TRPC5: variants seen among roughly 807,000 people sequenced by gnomAD.
TRPC5 encodes short transient receptor potential channel 5.
In TRPC5, 9 loss-of-function variants were observed where a neutral mutation model predicts 56.5. The observed-to-expected ratio is 0.16, with a 90% confidence interval of 0.10 to 0.28. The LOEUF (loss-of-function observed/expected upper bound fraction) is 0.28, where lower values mean the gene tolerates loss of function less well. Among genes scored for constraint, TRPC5 ranks in the 10% least tolerant of loss-of-function variants. TRPC5 has a pLI of 1.00. For missense variants in TRPC5, 469 were observed against 748.9 expected, an observed-to-expected ratio of 0.63 and a Z score of 4.36; for synonymous variants, 282 against 278.5, an observed-to-expected ratio of 1.01 and a Z score of -0.13.
chrX:111,968,653 T>G (rs1205080167), intron 1 of TRPC5, among the ~76,000 whole-genome samples: 1 of 108,571 alleles, frequency 9.2e-6, no homozygotes, highest in Non-Finnish European at 1.9e-5. Flanking sequence ...CCATAAAAAA[T>G]GATGAGTTCA....
At chrX:111,803,262 T>C (rs1270920998) in intron 7 of TRPC5, among the ~76,000 whole-genome samples, 2 of 112,581 alleles carry the variant, frequency 1.8e-5, no homozygotes, top group Non-Finnish European at 3.8e-5. Context: ...ATCCAGTCTA[T>C]TATTGATGGA....
At chrX:112,071,226 G>A (rs1930711128) in intron 1 of TRPC5, among the ~76,000 whole-genome samples, 1 of 110,418 alleles carries the variant, frequency 9.1e-6, no homozygotes, top group African/African-American at 3.3e-5. Flanking sequence ...AGGATCACCT[G>A]AACCTGCGGT....
intron 6 of TRPC5, among the ~76,000 whole-genome samples, chrX:111,845,009 G>A (rs1328272233): frequency 9.1e-6 from 1 of 109,810 alleles, no homozygotes; most frequent in East Asian, 2.9e-4. Context: ...AGGCTGAGAC[G>A]GGTGGATCAC....
intron 7 of TRPC5, among the ~76,000 whole-genome samples, chrX:111,831,178 G>A (rs1378959866): frequency 8.9e-6 from 1 of 112,497 alleles, no homozygotes; most frequent in Middle Eastern, 4.2e-3. Flanking sequence ...GGATTGTCGG[G>A]AGGTCTGGGT....
chrX:111,855,460 T>A (rs929140095), intron 3 of TRPC5, among the ~76,000 whole-genome samples: 31 of 111,940 alleles, frequency 2.8e-4, no homozygotes, highest in African/African-American at 9.8e-4. Flanking sequence ...TCAATAACCA[T>A]GTTAGCAGAA....
rs565820201 is a variant in TRPC5, at chrX:111,802,456, G to C, written c.1897-20318C>G. Among the ~76,000 whole-genome samples the C allele has an allele frequency of 9.2e-4, 102 of 111,236 alleles. 1 individual carries two copies. The South Asian group carries it at 0.035, about 38-fold the overall frequency. ...ATAATTCTAGATAAGGAATCCAAAG[G>C]CTTCACAAAGCAGTAAAAAAAATTC... On this transcript the variant is annotated intron_variant, in intron 7 of 10. Transcript: ENST00000262839.
At chrX:112,000,384 G>A (rs1180597988) in intron 1 of TRPC5, among the ~76,000 whole-genome samples, 1 of 112,090 alleles carries the variant, frequency 8.9e-6, no homozygotes, top group Admixed American at 9.4e-5. Context: ...AATATACAAA[G>A]AAGTACAAAT....
At chrX:111,968,550 C>CA (rs1242378337) in intron 1 of TRPC5, among the ~76,000 whole-genome samples, 12 of 110,044 alleles carry the variant, frequency 1.1e-4, no homozygotes, top group Non-Finnish European at 2.3e-4. Flanking sequence ...GCACTATTCA[C>CA]AATAGCAAAG....
intron 1 of TRPC5, among the ~76,000 whole-genome samples, chrX:111,988,195 T>C (rs917308257): frequency 5.4e-5 from 6 of 111,791 alleles, no homozygotes; most frequent in Non-Finnish European, 9.4e-5. Flanking sequence ...TGCTTCTCTT[T>C]GCTCTGGATC....
chrX:112,036,417 C>T (rs1929743571), intron 1 of TRPC5, among the ~76,000 whole-genome samples: 1 of 111,658 alleles, frequency 9.0e-6, no homozygotes, highest in Admixed American at 9.5e-5. Context: ...TAGATTAGAA[C>T]AGACAAACAC....
At chrX:111,872,366 G>A (rs1923791196) in intron 3 of TRPC5, among the ~76,000 whole-genome samples, 1 of 111,876 alleles carries the variant, frequency 8.9e-6, no homozygotes, top group African/African-American at 3.2e-5. Context: ...GGGATGGTGA[G>A]GTAGGGGAGG....
chrX:111,833,229 C>T (rs1922463654), intron 7 of TRPC5, among the ~76,000 whole-genome samples: 3 of 111,321 alleles, frequency 2.7e-5, no homozygotes, highest in Admixed American at 1.9e-4. Context: ...TAGAAAGGAC[C>T]TTGTGAGCCT....
intron 1 of TRPC5, among the ~76,000 whole-genome samples, chrX:112,036,669 G>A (rs767202235): frequency 1.8e-5 from 2 of 111,850 alleles, no homozygotes; most frequent in African/African-American, 3.3e-5. Context: ...GGTTGTGACA[G>A]TTTCTGCTTG....
chrX:111,777,310 T>C (rs919350916), intron 10 of TRPC5, among the ~76,000 whole-genome samples: 2 of 111,281 alleles, frequency 1.8e-5, no homozygotes, highest in Non-Finnish European at 3.8e-5. Context: ...TAACAAGTTA[T>C]TAGATTAGGA....
At chrX:111,929,294 C>T (rs1240784791) in intron 2 of TRPC5, among the ~76,000 whole-genome samples, 3 of 112,275 alleles carry the variant, frequency 2.7e-5, no homozygotes, top group African/African-American at 9.7e-5. Context: ...CCCAGACATA[C>T]ATTTGAGAAT....
chrX:111,970,446 T>G (rs73266327), intron 1 of TRPC5, among the ~76,000 whole-genome samples: 2,043 of 111,472 alleles, frequency 0.018, 27 homozygotes, highest in Non-Finnish European at 0.029. Context: ...ATTTCTCATT[T>G]TGCATATCGG....
chrX:112,071,519 A>C (rs1463939779), intron 1 of TRPC5, among the ~76,000 whole-genome samples: 1 of 111,038 alleles, frequency 9.0e-6, no homozygotes, highest in East Asian at 2.8e-4. Flanking sequence ...TGGCTAACTT[A>C]TTCTGTAAAG....
intron 1 of TRPC5, among the ~76,000 whole-genome samples, chrX:111,989,293 T>C (rs992933883): frequency 2.7e-5 from 3 of 111,642 alleles, no homozygotes; most frequent in African/African-American, 9.8e-5. Context: ...AGAGGAAATA[T>C]TTTGGGCTGA....
At chrX:111,941,801 G>A (rs1473354679) in intron 2 of TRPC5, among the ~76,000 whole-genome samples, 1 of 111,996 alleles carries the variant, frequency 8.9e-6, no homozygotes, top group Non-Finnish European at 1.9e-5. Context: ...TGCTGTGAGG[G>A]ATGGTGCACC....
Sources: gnomAD v4.1 joint callset for allele counts (sites outside exome capture counted in the v4.1 genomes callset) on GRCh38, gnomAD v4.1.1 for gene constraint, MANE v1.5 for transcripts, NCBI Gene and HGNC (gene_info 2026-07-23, HGNC 2026-07-21) for gene names.